Variants in ZNF91 observed in about 807,000 individuals in gnomAD.
The protein encoded by ZNF91 is zinc finger protein 91, also known as zinc finger protein 91 (HPF7, HTF10).
ZNF91 carries 7 observed loss-of-function variants against 12.6 expected under a neutral mutation model. The ratio of observed to expected loss-of-function variants is 0.55; its 90% CI spans 0.31 to 1.04. The LOEUF (loss-of-function observed/expected upper bound fraction) is 1.04. Among genes scored for constraint, ZNF91 ranks in the 50% least tolerant of loss-of-function variants. The probability of loss-of-function intolerance (pLI) is 0.05; values close to 1 mark genes in which losing one functional copy is unlikely to be tolerated. For synonymous variants in ZNF91, 453 were observed against 462.6 expected, an observed-to-expected ratio of 0.98 and a Z score of 0.27; for missense variants, 1,217 against 1,385.4, an observed-to-expected ratio of 0.88 and a Z score of 1.93.
intron 3 of ZNF91, among the ~76,000 whole-genome samples, chr19:23,347,390 T>C (rs1968257869): frequency 6.6e-6 from 1 of 152,176 alleles, no homozygotes; most frequent in African/African-American, 2.4e-5. Context: ...CCGTCATTCA[T>C]TGCAGGGACC....
chr19:23,317,663 C>T (rs922283962), intron 1 of ZNF91, among the ~76,000 whole-genome samples: 7 of 152,248 alleles, frequency 4.6e-5, no homozygotes, highest in East Asian at 1.9e-4. Context: ...CATTTGGAGG[C>T]AGTCGAAACT....
At chr19:23,356,272 T>G (rs1968483510), downstream of ZNF91, among the ~76,000 whole-genome samples, 1 of 152,104 alleles carries the variant, frequency 6.6e-6, no homozygotes, top group Non-Finnish European at 1.5e-5. Context: ...CCAACTGAAA[T>G]GCCCAGGAAT....
intron 1 of ZNF91, among the ~76,000 whole-genome samples, chr19:23,392,145 C>T (rs1328179564): frequency 6.6e-6 from 1 of 151,968 alleles, no homozygotes; most frequent in Non-Finnish European, 1.5e-5. Flanking sequence ...CCTGTAATTC[C>T]AGCACGTTGG....
At chr19:23,353,062 G>C (rs1446481835), downstream of ZNF91, among the ~76,000 whole-genome samples, 3 of 152,078 alleles carry the variant, frequency 2.0e-5, no homozygotes, top group Non-Finnish European at 4.4e-5. Flanking sequence ...AAGACAGAAA[G>C]ACAACAAAGA....
intron 3 of ZNF91, among the ~76,000 whole-genome samples, chr19:23,367,479 A>C (rs1329041337): frequency 6.6e-6 from 1 of 152,238 alleles, no homozygotes; most frequent in Non-Finnish European, 1.5e-5. Flanking sequence ...CAAAGATGTC[A>C]ATACAACCAA....
At chr19:23,326,160 G>C (rs1242234148) in intron 1 of ZNF91, 1 of 152,046 alleles carries the variant, frequency 6.6e-6, no homozygotes, top group Non-Finnish European at 1.5e-5. Context: ...ACCTTTTCTA[G>C]GGAAAATTAG....
intron 3 of ZNF91, among the ~76,000 whole-genome samples, chr19:23,366,075 C>A (rs570613344): frequency 1.3e-5 from 2 of 152,388 alleles, no homozygotes; most frequent in East Asian, 3.9e-4. Flanking sequence ...TCTCAATGAG[C>A]CGTTGGGTAC....
chr19:23,367,266 T>C (rs1969054051), intron 3 of ZNF91, among the ~76,000 whole-genome samples: 1 of 152,218 alleles, frequency 6.6e-6, no homozygotes, highest in African/African-American at 2.4e-5. Context: ...CACTCCAGCC[T>C]GGGTGACAGA....
intron 3 of ZNF91, among the ~76,000 whole-genome samples, chr19:23,365,876 G>T (rs1262646740): frequency 1.3e-5 from 2 of 152,122 alleles, no homozygotes; most frequent in Admixed American, 6.5e-5. Context: ...GAGAGCACAG[G>T]GTTGGGGGTA....
downstream of ZNF91, among the ~76,000 whole-genome samples, chr19:23,356,930 C>A (rs899444387): frequency 1.3e-5 from 2 of 151,814 alleles, no homozygotes; most frequent in Non-Finnish European, 2.9e-5. Context: ...CCTGTCTCTA[C>A]TAAAAATACA....
At chr19:23,349,264 G>C (rs1568376557) in intron 3 of ZNF91, among the ~76,000 whole-genome samples, 2 of 152,148 alleles carry the variant, frequency 1.3e-5, no homozygotes, top group African/African-American at 2.4e-5. Context: ...ATAAAAACTT[G>C]TTGGTTTTGT....
At chr19:23,307,317 C>T (rs1022388603) in exon 3 of ZNF91, 4 of 152,058 alleles carry the variant, frequency 2.6e-5, no homozygotes, top group East Asian at 1.9e-4. Flanking sequence ...CTCTCTTACC[C>T]GAGCATTGCC....
At chr19:23,321,211 G>A (rs1327017961) in intron 1 of ZNF91, among the ~76,000 whole-genome samples, 2 of 152,164 alleles carry the variant, frequency 1.3e-5, no homozygotes, top group Admixed American at 6.5e-5. Flanking sequence ...TCGTTCACAA[G>A]TAGAATGGTG....
chr19:23,368,766 G>A lies in ZNF91; in HGVS notation c.253+4976C>T, dbSNP rs1380856266. Among the ~76,000 whole-genome samples the A allele has an allele frequency of 7.9e-5, 12 of 151,824 alleles. No individual in the cohort carries two copies. In the East Asian group the frequency reaches 2.3e-3, roughly 29 times the overall value. ...TATTTACAAATTACATGTGATAAGT[G>A]TGAATATCCAAAAAATATAAACAAC... On this transcript the variant is annotated intron_variant, in intron 3 of 3. Coordinates refer to ENST00000300619, the MANE Select transcript of ZNF91 (RefSeq NM_003430.4).
At chr19:23,335,452 T>C (rs1237677804), downstream of ZNF91, among the ~76,000 whole-genome samples, 1 of 152,222 alleles carries the variant, frequency 6.6e-6, no homozygotes, top group Non-Finnish European at 1.5e-5. Flanking sequence ...GCAGGCCTCC[T>C]TGAGCTGCAG....
Position 23,323,209 on chromosome 19 carries a change from TCTTA to T in ZNF91, n.117-14116_117-14113del, listed in dbSNP as rs772730479. 2.4e-3 allele frequency among the ~76,000 whole-genome samples: 363 copies of T among 148,344 alleles called. 1 individual carries two copies. The highest frequency in any genetic ancestry group is 3.5e-3 in the Middle Eastern group (1 of 286). ...TCTCCTATCCACATTCTCCTCTTCC[TCTTA>T]CTTTTCCTTTCTCTCCTTCTTCTCC... On this transcript the variant is annotated intron_variant and non_coding_transcript_variant, in intron 1 of 1. Transcript: ENST00000596528.
chr19:23,377,060 G>A (rs1322974273), intron 1 of ZNF91, among the ~76,000 whole-genome samples: 1 of 151,970 alleles, frequency 6.6e-6, no homozygotes, highest in African/African-American at 2.4e-5. Context: ...GCTCCACAGA[G>A]ATAAAAATAT....
At chr19:23,371,172 T>C (rs536231813) in intron 3 of ZNF91, among the ~76,000 whole-genome samples, 2 of 152,098 alleles carry the variant, frequency 1.3e-5, no homozygotes, top group African/African-American at 4.8e-5. Context: ...AGAAACCCTG[T>C]CTCTACTAAA....
At chr19:23,362,897 G>C (rs756900491) in intron 3 of ZNF91, among the ~76,000 whole-genome samples, 172 bp from the exon 4 acceptor site, 6 of 152,034 alleles carry the variant, frequency 3.9e-5, no homozygotes, top group Non-Finnish European at 8.8e-5. Flanking sequence ...TTTTTGAGAC[G>C]GAGTCTCGCT....
Sources: gnomAD v4.1 joint callset for allele counts (sites outside exome capture counted in the v4.1 genomes callset) on GRCh38, gnomAD v4.1.1 for gene constraint, MANE v1.5 for transcripts, NCBI Gene and HGNC (gene_info 2026-07-23, HGNC 2026-07-21) for gene names.